Variants in C8orf90 observed in about 807,000 individuals in gnomAD.
C8orf90 encodes the protein chromosome 8 open reading frame 90.
chr8:141,518,690 GC>G, the C8orf90 span: 3 of 536,450 alleles, frequency 5.6e-6, no homozygotes, highest in Non-Finnish European at 9.8e-6. Context: ...CCCCGCCGCT[GC>G]CCCGAGAGCG....
At chr8:141,516,695 C>A in the C8orf90 span, among the ~76,000 whole-genome samples, 3 of 152,182 alleles carry the variant, frequency 2.0e-5, no homozygotes, top group Non-Finnish European at 4.4e-5. Flanking sequence ...CAGTGTCTAT[C>A]TCCAGCCTCG....
chr8:141,517,432 C>T, the C8orf90 span, among the ~76,000 whole-genome samples: 2 of 107,088 alleles, frequency 1.9e-5, no homozygotes, highest in South Asian at 5.7e-4. Context: ...ATGTAGGGGT[C>T]TCTCCTGAAT....
the C8orf90 span, chr8:141,518,406 C>T: frequency 5.9e-6 from 4 of 674,076 alleles, no homozygotes; most frequent in South Asian, 1.6e-5. Flanking sequence ...GGTCCGACCC[C>T]GCCTGCGGGC....
the C8orf90 span, among the ~76,000 whole-genome samples, chr8:141,517,276 C>G: frequency 6.6e-6 from 1 of 152,384 alleles, no homozygotes; most frequent in African/African-American, 2.4e-5. Flanking sequence ...TGGCCATCCC[C>G]AGACAGCTGC....
chr8:141,518,309 A>G, the C8orf90 span: 1 of 665,352 alleles, frequency 1.5e-6, no homozygotes, highest in East Asian at 3.1e-5. Flanking sequence ...GGGCGCGCCT[A>G]CCGCGCGCTG....
At chr8:141,517,580 G>A in the C8orf90 span, among the ~76,000 whole-genome samples, 414 of 152,244 alleles carry the variant, frequency 2.7e-3, 1 homozygote, top group African/African-American at 9.3e-3. Context: ...TCCTGGGGCC[G>A]CACCTCCCTC....
the C8orf90 span, among the ~76,000 whole-genome samples, chr8:141,515,958 C>G: frequency 6.6e-6 from 1 of 152,214 alleles, no homozygotes; most frequent in African/African-American, 2.4e-5. Context: ...TCACACTGTG[C>G]TGCTGGCCTT....
At chr8:141,515,088 C>A in the C8orf90 span, among the ~76,000 whole-genome samples, 6 of 150,956 alleles carry the variant, frequency 4.0e-5, no homozygotes, top group South Asian at 1.3e-3. Flanking sequence ...CTTTAGGGCC[C>A]CTTCCGGATC....
At chr8:141,518,727 A>G in the C8orf90 span, 1 of 456,340 alleles carries the variant, frequency 2.2e-6, no homozygotes, top group Non-Finnish European at 3.9e-6. Context: ...GAGTTTCCCC[A>G]GCTCTCCCGC....
At chr8:141,518,658 G>C in the C8orf90 span, 1 of 538,810 alleles carries the variant, frequency 1.9e-6, no homozygotes, top group South Asian at 2.4e-5. Flanking sequence ...TTCCAGCGAC[G>C]GCACCCCCAG....
chr8:141,518,256 C>T, the C8orf90 span: 6 of 621,860 alleles, frequency 9.6e-6, no homozygotes, highest in South Asian at 1.1e-4. Flanking sequence ...CGGACATCTA[C>T]GGCGGGGACG....
chr8:141,518,497 C>A, the C8orf90 span: 2 of 623,520 alleles, frequency 3.2e-6, no homozygotes, highest in Non-Finnish European at 5.7e-6. Context: ...AGCGCTGCTG[C>A]GGCCCCTGCA....
the C8orf90 span, among the ~76,000 whole-genome samples, chr8:141,515,210 T>TCACCCACCCACACATCCATCCATC: frequency 8.1e-6 from 1 of 123,528 alleles, no homozygotes; most frequent in Non-Finnish European, 1.8e-5. Context: ...ACCCACCCAT[T>TCACCCACCCACACATCCATCCATC]CACCCACCCA....
At chr8:141,518,180 G>C in the C8orf90 span, 3 of 522,214 alleles carry the variant, frequency 5.7e-6, no homozygotes, top group Non-Finnish European at 1.0e-5. Flanking sequence ...GGCCCTCCCC[G>C]CCCTGCCGGG....
At chr8:141,517,924 G>A in the C8orf90 span, among the ~76,000 whole-genome samples, 1 of 152,258 alleles carries the variant, frequency 6.6e-6, no homozygotes, top group Non-Finnish European at 1.5e-5. Context: ...CAGCCTCCTC[G>A]CCATCGGGAA....
chr8:141,517,366 C>T, the C8orf90 span, among the ~76,000 whole-genome samples: 1 of 65,020 alleles, frequency 1.5e-5, no homozygotes, highest in East Asian at 3.1e-4. Flanking sequence ...CTGCTTTGCT[C>T]ACTTCAGTAT....
chr8:141,515,861 C>T, the C8orf90 span, among the ~76,000 whole-genome samples: 68 of 152,360 alleles, frequency 4.5e-4, no homozygotes, highest in African/African-American at 7.7e-4. Context: ...AGGCCGGCTC[C>T]GCTGCCCTCC....
chr8:141,518,474 G>C, the C8orf90 span: 1 of 647,860 alleles, frequency 1.5e-6, no homozygotes, highest in Non-Finnish European at 2.8e-6. Flanking sequence ...CGCGGCCCCG[G>C]AGCTTCGCCC....
At chr8:141,517,373 G>T in the C8orf90 span, among the ~76,000 whole-genome samples, 33,448 of 88,998 alleles carry the variant, frequency 0.38, 4,185 homozygotes, top group South Asian at 0.55. Context: ...GCTCACTTCA[G>T]TATCCCTACA....
Sources: allele counts gnomAD v4.1 joint callset (sites outside exome capture counted in the v4.1 genomes callset), GRCh38; gene constraint gnomAD v4.1.1; transcripts MANE v1.5; gene names NCBI Gene and HGNC (gene_info 2026-07-23, HGNC 2026-07-21).